ACER2: variants seen among roughly 807,000 people sequenced by gnomAD.
The protein encoded by ACER2 is alkCDase 2.
ACER2 carries 26 observed loss-of-function variants against 34.7 expected under a neutral mutation model. That is an observed-to-expected ratio of 0.75 (90% CI 0.55 to 1.04). The LOEUF (loss-of-function observed/expected upper bound fraction) is 1.04. ACER2 is among the 50% of genes least tolerant of loss of function. The probability of loss-of-function intolerance (pLI) is 0.00; values close to 1 mark genes in which losing one functional copy is unlikely to be tolerated. For synonymous variants in ACER2, 138 were observed against 132.1 expected (o/e 1.04, Z -0.31); for missense variants, 352 against 340.8 (o/e 1.03, Z -0.26).
intron 1 of ACER2, among the ~76,000 whole-genome samples, chr9:19,412,364 T>C (rs945457673): frequency 6.6e-6 from 1 of 152,146 alleles, no homozygotes; most frequent in Non-Finnish European, 1.5e-5. Flanking sequence ...AAAATACGCA[T>C]GTATAAGGCT....
At position 19,442,881 on chromosome 9, in the gene ACER2, G is replaced by A. The variant is rs376008613; in HGVS notation, c.504-3400G>A. Among the ~76,000 whole-genome samples, 109 of 151,344 alleles carry A rather than the reference G, an allele frequency of 7.2e-4. 3 individuals carry two copies. In the South Asian group the frequency reaches 0.021, roughly 30 times the overall value. On this transcript the variant is annotated intron_variant, in intron 4 of 5. Coordinates refer to ENST00000340967, the MANE Select transcript of ACER2 (RefSeq NM_001010887.3). ...GGGGTCTCGCTCTGTCGCCCAGGCT[G>A]GAGTGCGGTGGCACTATCTCGGCTC...
chr9:19,414,695 C>T (rs532622859), intron 1 of ACER2, among the ~76,000 whole-genome samples: 1 of 152,232 alleles, frequency 6.6e-6, no homozygotes, highest in East Asian at 1.9e-4. Context: ...CCCAGTTACT[C>T]AGGAGGCTGA....
At chr9:19,427,110 C>A (rs1276246607) in intron 3 of ACER2, among the ~76,000 whole-genome samples, 1 of 152,112 alleles carries the variant, frequency 6.6e-6, no homozygotes, top group Admixed American at 6.5e-5. Flanking sequence ...TATGACTTGT[C>A]TTGACTCTTT....
intron 1 of ACER2, among the ~76,000 whole-genome samples, chr9:19,418,511 G>A (rs1027043073): frequency 2.6e-5 from 4 of 152,290 alleles, no homozygotes; most frequent in South Asian, 2.1e-4. Context: ...GGAATAGTAT[G>A]CAGCCACAAA....
At chr9:19,411,157 A>G (rs1350402110) in intron 1 of ACER2, among the ~76,000 whole-genome samples, 1 of 152,178 alleles carries the variant, frequency 6.6e-6, no homozygotes, top group African/African-American at 2.4e-5. Context: ...CTATGTAGTG[A>G]GTGCTAAAGT....
intron 3 of ACER2, among the ~76,000 whole-genome samples, chr9:19,429,170 T>A (rs1420779770): frequency 1.3e-5 from 2 of 152,144 alleles, no homozygotes; most frequent in Non-Finnish European, 1.5e-5. Context: ...AGGATATAAA[T>A]GTTGGGTTTA....
intron 4 of ACER2, among the ~76,000 whole-genome samples, chr9:19,440,315 C>G (rs1431596879): frequency 1.3e-5 from 2 of 152,194 alleles, no homozygotes; most frequent in African/African-American, 2.4e-5. Context: ...GGTGCACCCT[C>G]AACTCCCTGC....
At chr9:19,443,912 C>T (rs1441952684) in intron 4 of ACER2, among the ~76,000 whole-genome samples, 1 of 152,160 alleles carries the variant, frequency 6.6e-6, no homozygotes, top group Non-Finnish European at 1.5e-5. Context: ...CCACCTTGGC[C>T]TCCCAAAGTG....
chr9:19,435,086 T>A lies in ACER2; in HGVS notation c.503+2T>A. The A allele has an allele frequency of 1.2e-6, 2 of 1,613,914 alleles. No homozygotes were observed. The highest frequency in any genetic ancestry group is 1.7e-6 in the Non-Finnish European group (2 of 1,179,932). On this transcript the variant is annotated splice_donor_variant, in intron 4 of 5. Coordinates refer to ENST00000340967, the MANE Select transcript of ACER2 (RefSeq NM_001010887.3). LOFTEE classifies it high-confidence loss of function. ...ACTGCTCATCGCAGAGCTAAAGAGG[T>A]AGGTGCCATCATTCCTGCCTACCCT...
intron 4 of ACER2, among the ~76,000 whole-genome samples, chr9:19,442,550 C>A (rs1208381923): frequency 6.6e-6 from 1 of 152,178 alleles, no homozygotes; most frequent in Non-Finnish European, 1.5e-5. Context: ...CCGGCCCTGT[C>A]CTGGCACTTA....
At chr9:19,425,330 C>T (rs192448004) in intron 3 of ACER2, among the ~76,000 whole-genome samples, 117 of 152,194 alleles carry the variant, frequency 7.7e-4, no homozygotes, top group African/African-American at 2.5e-3. Context: ...TGCGTGCGTG[C>T]GCGTGCACAC....
chr9:19,426,232 A>ATTT (rs766832498), intron 3 of ACER2, among the ~76,000 whole-genome samples: 30,152 of 148,762 alleles, frequency 0.2, 3,424 homozygotes, highest in African/African-American at 0.29. Context: ...TTTTTTTAAA[A>ATTT]AAAAAAAAAC....
intron 3 of ACER2, among the ~76,000 whole-genome samples, chr9:19,425,472 A>G (rs1830533991): frequency 6.6e-6 from 1 of 152,246 alleles, no homozygotes; most frequent in Non-Finnish European, 1.5e-5. Context: ...TTGAACACTT[A>G]TATTTTACTG....
At chr9:19,434,810 T>G in intron 3 of ACER2, 137 bp from the exon 4 acceptor site, 1 of 1,162,230 alleles carries the variant, frequency 8.6e-7, no homozygotes, top group Non-Finnish European at 1.2e-6. Context: ...GTGAGTGGCT[T>G]TTTGAACCTT....
intron 1 of ACER2, chr9:19,410,048 T>G (rs577517879): frequency 3.8e-5 from 25 of 665,322 alleles, no homozygotes; most frequent in Non-Finnish European, 4.6e-5. Context: ...TGTGAGACTT[T>G]GCGTGGTCAT....
At chr9:19,417,113 C>G (rs1243184001) in intron 1 of ACER2, among the ~76,000 whole-genome samples, 1 of 152,148 alleles carries the variant, frequency 6.6e-6, no homozygotes, top group East Asian at 1.9e-4. Context: ...CAAGTGAACT[C>G]CCATTCACAA....
At chr9:19,422,383 A>G (rs1830432299) in intron 1 of ACER2, among the ~76,000 whole-genome samples, 1 of 152,182 alleles carries the variant, frequency 6.6e-6, no homozygotes. Flanking sequence ...AATACATTGC[A>G]TTAAATAAGA....
intron 4 of ACER2, among the ~76,000 whole-genome samples, chr9:19,443,360 G>A (rs1037053654): frequency 1.3e-5 from 2 of 152,030 alleles, no homozygotes. Flanking sequence ...TAGATACGGG[G>A]TTTCACCCTG....
In ACER2 at chr9:19,409,170, C is replaced by T. The variant is rs755282852; in HGVS notation, c.86C>T (p.Ala29Val). The T allele has an allele frequency of 1.2e-6, 2 of 1,602,002 alleles. No individual in the cohort carries two copies. The highest frequency in any genetic ancestry group is 1.7e-6 in the Non-Finnish European group (2 of 1,174,766). Residue 29 changes from alanine to valine, a missense_variant, in exon 1 of 6, where the codon GCT becomes GTT. Physicochemically the swap from Ala to Val is moderately conservative, Grantham distance 64. Coordinates refer to ENST00000340967, the MANE Select transcript of ACER2 (RefSeq NM_001010887.3). ...WCEDNYTIVPAIAEFYNTISN... is the reference protein window; with the variant it reads ...WCEDNYTIVPVIAEFYNTISN... Reference sequence around the variant, plus strand: ...GAGGACAACTACACCATCGTGCCTGCTATCGCCGAGTTCTACAACACGGTG... The same window carrying T: ...GAGGACAACTACACCATCGTGCCTGTTATCGCCGAGTTCTACAACACGGTG...
Sources: gnomAD v4.1 joint callset for allele counts (sites outside exome capture counted in the v4.1 genomes callset) on GRCh38, gnomAD v4.1.1 for gene constraint, MANE v1.5 for transcripts, NCBI Gene and HGNC (gene_info 2026-07-23, HGNC 2026-07-21) for gene names.